Variants in PDE4B observed in about 807,000 individuals in gnomAD.
The protein encoded by PDE4B is 3',5'-cyclic-AMP phosphodiesterase 4B.
A neutral mutation model predicts 82.2 loss-of-function variants in PDE4B; 20 were observed. The observed-to-expected ratio is 0.24, with a 90% CI of 0.17 to 0.35. The LOEUF (loss-of-function observed/expected upper bound fraction) is 0.35, where lower values mean the gene tolerates loss of function less well. PDE4B is among the 10% of genes least tolerant of loss of function. The pLI is 1.00. For missense variants in PDE4B, 655 were observed against 907.2 expected (o/e 0.72, Z 3.57); for synonymous variants, 320 against 318.9 (o/e 1.00, Z -0.04).
chr1:66,228,621 TC>T (rs1454571266), intron 3 of PDE4B, among the ~76,000 whole-genome samples: 1 of 131,672 alleles, frequency 7.6e-6, no homozygotes, highest in East Asian at 2.5e-4. Context: ...AGAGCAAGAC[TC>T]CGTTAAAAAA....
chr1:65,824,059 C>T (rs1213867623), intron 1 of PDE4B, among the ~76,000 whole-genome samples: 1 of 152,162 alleles, frequency 6.6e-6, no homozygotes, highest in Admixed American at 6.5e-5. Flanking sequence ...CACCCCCCAT[C>T]TCAGTGCATT....
At chr1:66,191,631 G>A (rs573577843) in intron 3 of PDE4B, among the ~76,000 whole-genome samples, 1 of 152,268 alleles carries the variant, frequency 6.6e-6, no homozygotes, top group Admixed American at 6.5e-5. Context: ...CTACATGCAA[G>A]TGGAAGGGGA....
intron 2 of PDE4B, 114 bp from the exon 3 acceptor site, chr1:65,918,483 T>C: frequency 3.1e-6 from 2 of 648,716 alleles, no homozygotes; most frequent in Admixed American, 2.6e-5. Flanking sequence ...GATTGTGAGA[T>C]AATCAGGACA....
chr1:66,065,424 T>C (rs1232213185), intron 3 of PDE4B, among the ~76,000 whole-genome samples: 2 of 151,964 alleles, frequency 1.3e-5, no homozygotes, highest in East Asian at 1.9e-4. Context: ...GAATAACTTA[T>C]GGTTGGGAAA....
intron 3 of PDE4B, among the ~76,000 whole-genome samples, chr1:66,210,176 A>C (rs1222435135): frequency 2.6e-5 from 4 of 152,136 alleles, no homozygotes; most frequent in African/African-American, 9.7e-5. Flanking sequence ...ACTGAGAAAA[A>C]TCCTCCTGAT....
intron 3 of PDE4B, among the ~76,000 whole-genome samples, chr1:66,214,245 A>G (rs900254877): frequency 6.6e-6 from 1 of 152,238 alleles, no homozygotes; most frequent in African/African-American, 2.4e-5. Flanking sequence ...AGTACTATTT[A>G]GACTTTAAAT....
chr1:65,954,350 T>A (rs1649151803), intron 3 of PDE4B, among the ~76,000 whole-genome samples: 1 of 152,142 alleles, frequency 6.6e-6, no homozygotes. Context: ...CTAATATTTT[T>A]AAATTATTTT....
chr1:66,126,668 C>G (rs1645830327), intron 3 of PDE4B, among the ~76,000 whole-genome samples: 1 of 152,086 alleles, frequency 6.6e-6, no homozygotes, highest in Admixed American at 6.5e-5. Context: ...CATTAGAACC[C>G]AGGAGTAATA....
chr1:66,276,254 C>T (rs953259336), intron 7 of PDE4B, among the ~76,000 whole-genome samples: 4 of 152,158 alleles, frequency 2.6e-5, no homozygotes, highest in East Asian at 1.9e-4. Flanking sequence ...AACTTCTTTG[C>T]GTATATTATT....
At chr1:66,275,267 G>C (rs191996529) in intron 7 of PDE4B, among the ~76,000 whole-genome samples, 4 of 152,278 alleles carry the variant, frequency 2.6e-5, no homozygotes, top group African/African-American at 7.2e-5. Context: ...AAGTTGTATT[G>C]AAATACATGT....
chr1:66,366,096 T>A (rs1422759772), intron 13 of PDE4B, among the ~76,000 whole-genome samples: 1 of 152,154 alleles, frequency 6.6e-6, no homozygotes, highest in Non-Finnish European at 1.5e-5. Flanking sequence ...AATGACTTTT[T>A]ATATTATGCA....
At chr1:66,172,995 C>G (rs1186437686) in intron 3 of PDE4B, among the ~76,000 whole-genome samples, 1 of 152,012 alleles carries the variant, frequency 6.6e-6, no homozygotes, top group African/African-American at 2.4e-5. Flanking sequence ...GAGTGAACCC[C>G]CAAATAAATG....
intron 3 of PDE4B, among the ~76,000 whole-genome samples, chr1:66,097,968 A>G (rs1428719290): frequency 1.3e-5 from 2 of 150,476 alleles, no homozygotes; most frequent in African/African-American, 4.9e-5. Flanking sequence ...TTTAACCTTT[A>G]TTAGAATTGG....
At chr1:65,973,338 G>A (rs1293781838) in intron 3 of PDE4B, among the ~76,000 whole-genome samples, 2 of 151,800 alleles carry the variant, frequency 1.3e-5, no homozygotes, top group African/African-American at 4.8e-5. Context: ...AATATATACT[G>A]TATTTTATAG....
chr1:66,208,304 A>G (rs1649729924), intron 3 of PDE4B, among the ~76,000 whole-genome samples: 1 of 152,176 alleles, frequency 6.6e-6, no homozygotes, highest in South Asian at 2.1e-4. Context: ...CCCCCACTCC[A>G]GATAACAACT....
At chr1:66,361,522 A>G (rs1337049815) in intron 9 of PDE4B, 93 bp from the exon 10 acceptor site, 2 of 930,722 alleles carry the variant, frequency 2.1e-6, no homozygotes, top group Non-Finnish European at 3.3e-6. Flanking sequence ...ATAAGATTCT[A>G]AAGCTGTTAT....
intron 7 of PDE4B, among the ~76,000 whole-genome samples, chr1:66,274,441 G>A (rs2101758557): frequency 6.6e-6 from 1 of 152,098 alleles, no homozygotes; most frequent in East Asian, 1.9e-4. Context: ...CCAAAGTGCT[G>A]GGATTACAGG....
chr1:66,049,426 G>A (rs1654896500), intron 3 of PDE4B, among the ~76,000 whole-genome samples: 1 of 151,966 alleles, frequency 6.6e-6, no homozygotes. Context: ...TAAAACAGGA[G>A]TAGTATGGTT....
chr1:66,361,951 C>T (rs1662810874), intron 10 of PDE4B, among the ~76,000 whole-genome samples, 158 bp downstream of exon 10: 1 of 152,056 alleles, frequency 6.6e-6, no homozygotes, highest in South Asian at 2.1e-4. Context: ...AGCAGTAAGG[C>T]CTTCTGAAAG....
Sources: gnomAD v4.1 joint callset for allele counts (sites outside exome capture counted in the v4.1 genomes callset) on GRCh38, gnomAD v4.1.1 for gene constraint, MANE v1.5 for transcripts, NCBI Gene and HGNC (gene_info 2026-07-23, HGNC 2026-07-21) for gene names.